FBXL17: variants seen among roughly 807,000 people sequenced by gnomAD.
FBXL17 encodes F-box and leucine rich repeat protein 17, also known as F-box/LRR-repeat protein 17.
Under a neutral mutation model 66.2 loss-of-function variants are expected in FBXL17, and 22 were observed. That is an observed-to-expected ratio of 0.33 (90% CI 0.24 to 0.47). FBXL17 has a LOEUF of 0.47. Ranked by LOEUF, FBXL17 falls within the 20% of genes least tolerant of loss-of-function variation. The pLI is 1.00. For synonymous variants in FBXL17, 474 were observed against 400.5 expected (o/e 1.18, Z -2.19); for missense variants, 878 against 948.2 (o/e 0.93, Z 0.97).
At chr5:107,995,013 G>C (rs1174797373) in intron 7 of FBXL17, among the ~76,000 whole-genome samples, 1 of 152,146 alleles carries the variant, frequency 6.6e-6, no homozygotes. Context: ...TGGGGGCATC[G>C]TGGCAATAAT....
chr5:108,335,134 C>A (rs1379447571), intron 4 of FBXL17, among the ~76,000 whole-genome samples: 1 of 151,832 alleles, frequency 6.6e-6, no homozygotes, highest in Non-Finnish European at 1.5e-5. Flanking sequence ...AAAATCAGAT[C>A]AAATATTTTG....
rs149343660 is a variant in FBXL17, at chr5:108,261,906, G to A, written c.1507-37678C>T. 2.8e-3 allele frequency among the ~76,000 whole-genome samples: 430 copies of A among 151,642 alleles called. 4 individuals carry two copies. Among genetic ancestry groups the A allele is most frequent in the African/African-American group, 9.7e-3 (401 of 41,360 alleles). On this transcript the variant is annotated intron_variant, in intron 4 of 8. Coordinates refer to ENST00000542267, the MANE Select transcript of FBXL17 (RefSeq NM_001163315.3). ...ATGTAATAGGGAAGATTTTTAAAAC[G>A]TTACTTTCCTGAAGACCAAACATAT...
chr5:108,332,941 CAAAAAAAAAA>C (rs34218940), intron 4 of FBXL17, among the ~76,000 whole-genome samples: 7 of 34,772 alleles, frequency 2.0e-4, no homozygotes, highest in East Asian at 9.7e-4. Context: ...AAAGCAAAAG[CAAAAAAAAAA>C]AAAAAAAAAA....
intron 7 of FBXL17, among the ~76,000 whole-genome samples, chr5:107,996,360 G>T (rs73206507): frequency 0.12 from 18,067 of 152,176 alleles, 1,330 homozygotes; most frequent in East Asian, 0.2. Flanking sequence ...TGTGACCCAG[G>T]CTGGAGTACA....
At chr5:108,028,169 G>C (rs1354583506) in intron 6 of FBXL17, among the ~76,000 whole-genome samples, 2 of 152,054 alleles carry the variant, frequency 1.3e-5, no homozygotes, top group Non-Finnish European at 2.9e-5. Flanking sequence ...ATTCTTTAGA[G>C]ACCATTCTTG....
chr5:108,286,416 T>C (rs1392148715), intron 4 of FBXL17, among the ~76,000 whole-genome samples: 2 of 152,058 alleles, frequency 1.3e-5, no homozygotes, highest in African/African-American at 2.4e-5. Flanking sequence ...CAAAAGCTCC[T>C]TGAACTGACA....
intron 4 of FBXL17, among the ~76,000 whole-genome samples, chr5:108,336,049 T>C (rs142124744): frequency 1.3e-5 from 2 of 152,270 alleles, no homozygotes; most frequent in Admixed American, 1.3e-4. Flanking sequence ...ACTGCATTAC[T>C]GTAACAAAAT....
At chr5:107,976,969 A>G (rs1303269613) in intron 7 of FBXL17, among the ~76,000 whole-genome samples, 1 of 152,166 alleles carries the variant, frequency 6.6e-6, no homozygotes, top group African/African-American at 2.4e-5. Flanking sequence ...CTCATATATG[A>G]TTGGGTTGGC....
chr5:107,952,769 C>CTATA (rs1224283714), intron 7 of FBXL17, among the ~76,000 whole-genome samples: 12 of 152,162 alleles, frequency 7.9e-5, no homozygotes, highest in African/African-American at 2.7e-4. Flanking sequence ...TCAGATTAAA[C>CTATA]TATACAGTGT....
intron 7 of FBXL17, among the ~76,000 whole-genome samples, chr5:107,989,138 G>A (rs956136075): frequency 6.6e-6 from 1 of 151,924 alleles, no homozygotes; most frequent in Non-Finnish European, 1.5e-5. Context: ...CTTTGTGTTA[G>A]GAATATTCCA....
chr5:108,091,811 T>C (rs749772249), intron 6 of FBXL17, among the ~76,000 whole-genome samples: 3 of 152,240 alleles, frequency 2.0e-5, no homozygotes, highest in Non-Finnish European at 4.4e-5. Flanking sequence ...CTTAAATGCA[T>C]TTCACTGAAA....
intron 6 of FBXL17, among the ~76,000 whole-genome samples, chr5:108,036,184 T>G (rs1362702609): frequency 2.0e-5 from 3 of 152,210 alleles, no homozygotes; most frequent in South Asian, 4.1e-4. Context: ...TCTATTATTT[T>G]CAATGTAGCT....
At chr5:108,139,093 C>T (rs892287277) in intron 6 of FBXL17, among the ~76,000 whole-genome samples, 1 of 152,106 alleles carries the variant, frequency 6.6e-6, no homozygotes, top group African/African-American at 2.4e-5. Flanking sequence ...AATATTTATG[C>T]ACAAAGTAGG....
rs559457800 is a variant in FBXL17 at position 108,130,941 on chromosome 5, T to G, written c.1745+55176A>C. Among the ~76,000 whole-genome samples, 6 of 152,266 alleles carry G rather than the reference T, an allele frequency of 3.9e-5. 1 individual carries two copies. The South Asian group carries it at 1.0e-3, about 26-fold the overall frequency. On this transcript the variant is annotated intron_variant, in intron 6 of 8. Transcript: ENST00000542267. ...AAAAAGGAAGATAGAATAAGTAATTTTTTTCATTGCTCTGAATTTTTCAAG... is the reference window on the plus strand; with the variant it reads ...AAAAAGGAAGATAGAATAAGTAATTGTTTTCATTGCTCTGAATTTTTCAAG...
intron 6 of FBXL17, among the ~76,000 whole-genome samples, chr5:108,102,568 G>A (rs1749642320): frequency 6.6e-6 from 1 of 152,044 alleles, no homozygotes; most frequent in African/African-American, 2.4e-5. Flanking sequence ...CGGTGGGGTG[G>A]GGTATCTCCA....
chr5:108,352,656 A>G (rs1037048211), intron 3 of FBXL17, among the ~76,000 whole-genome samples: 3 of 151,110 alleles, frequency 2.0e-5, no homozygotes, highest in South Asian at 2.1e-4. Flanking sequence ...GACTACAGGC[A>G]CCCGCCATGA....
chr5:108,329,252 T>C (rs1275812356), intron 4 of FBXL17, among the ~76,000 whole-genome samples: 1 of 152,154 alleles, frequency 6.6e-6, no homozygotes, highest in Non-Finnish European at 1.5e-5. Flanking sequence ...AGTTATTCTA[T>C]AATAAAGATG....
At chr5:107,952,122 C>T (rs374939660) in intron 7 of FBXL17, among the ~76,000 whole-genome samples, 1 of 149,440 alleles carries the variant, frequency 6.7e-6, no homozygotes, top group East Asian at 2.0e-4. Flanking sequence ...AAAAAAAAAA[C>T]TCCTTTAGTC....
Position 108,260,938 on chromosome 5 carries a change from C to G in FBXL17, c.1507-36710G>C, listed in dbSNP as rs143910914. Among the ~76,000 whole-genome samples the G allele has an allele frequency of 3.7e-3, 562 of 152,034 alleles. 5 individuals are homozygous for G. The highest frequency in any genetic ancestry group is 0.013 in the African/African-American group (541 of 41,448). ...TGTGTAGAGGTTGTATGTGCTGAAG[C>G]AGAATTATTGAAATACATGCCAATA... On this transcript the variant is annotated intron_variant, in intron 4 of 8. Transcript: ENST00000542267.
Sources: gnomAD v4.1 joint callset for allele counts (sites outside exome capture counted in the v4.1 genomes callset) on GRCh38, gnomAD v4.1.1 for gene constraint, MANE v1.5 for transcripts, NCBI Gene and HGNC (gene_info 2026-07-23, HGNC 2026-07-21) for gene names.